SENP1: variants seen among roughly 807,000 people sequenced by gnomAD.
The protein encoded by SENP1 is sentrin-specific protease 1.
In SENP1, 21 loss-of-function variants were observed where a neutral mutation model predicts 93.0. The observed-to-expected ratio is 0.23, with a 90% CI of 0.16 to 0.33. The LOEUF (loss-of-function observed/expected upper bound fraction) is 0.33, where lower values mean the gene tolerates loss of function less well. SENP1 is among the 10% of genes least tolerant of loss of function. The pLI, the probability that SENP1 is intolerant of heterozygous loss-of-function variation, is 1.00. For missense variants in SENP1, 591 were observed against 758.7 expected, an observed-to-expected ratio of 0.78 and a Z score of 2.60; for synonymous variants, 256 against 259.6, an observed-to-expected ratio of 0.99 and a Z score of 0.13.
rs1044021566 is a variant in SENP1, at chr12:48,046,973, G to A, written c.1776+5C>T. 1 of 1,594,798 alleles carries A rather than the reference G, an allele frequency of 6.3e-7. No individual in the cohort carries two copies. Among genetic ancestry groups the A allele is most frequent in the Admixed American group, 1.7e-5 (1 of 59,342 alleles). ...GGACTTTTATTTCATCAAGATGAAAGGTACCTGGCTTTTCTTGCTGAAAAG... is the reference window on the plus strand; with the variant it reads ...GGACTTTTATTTCATCAAGATGAAAAGTACCTGGCTTTTCTTGCTGAAAAG... On this transcript the variant is annotated splice_donor_5th_base_variant and intron_variant, in intron 16 of 17. Coordinates refer to ENST00000549518, the MANE Select transcript of SENP1 (RefSeq NM_001267594.2).
At chr12:48,085,094 C>G (rs1352167745) in intron 5 of SENP1, 5 of 1,375,584 alleles carry the variant, frequency 3.6e-6, no homozygotes, top group Non-Finnish European at 1.0e-6. Context: ...TCGCAGTGAT[C>G]AGAGACAAGG....
chr12:48,046,902 G>C, intron 16 of SENP1, 76 bp downstream of exon 16: 1 of 930,884 alleles, frequency 1.1e-6, no homozygotes, highest in Non-Finnish European at 1.7e-6. Flanking sequence ...GTGGTCCCTG[G>C]GAATTAAGCA....
At chr12:48,061,300 A>G (rs1275088662) in intron 13 of SENP1, among the ~76,000 whole-genome samples, 1 of 152,226 alleles carries the variant, frequency 6.6e-6, no homozygotes, top group Non-Finnish European at 1.5e-5. Flanking sequence ...CAGAAAAAGA[A>G]GAGAAATTAT....
intron 12 of SENP1, among the ~76,000 whole-genome samples, chr12:48,064,727 A>G (rs1244508503): frequency 6.6e-6 from 1 of 152,148 alleles, no homozygotes; most frequent in East Asian, 1.9e-4. Context: ...CCCAGGCTGA[A>G]GTACGGTGGC....
intron 13 of SENP1, among the ~76,000 whole-genome samples, chr12:48,057,541 T>C (rs1267940218): frequency 7.0e-6 from 1 of 143,484 alleles, no homozygotes; most frequent in South Asian, 2.2e-4. Flanking sequence ...GTATTATATA[T>C]ATTTTTATGT....
rs968264660 is a variant in SENP1 at position 48,103,258 on chromosome 12, T to C, written c.-44-1742A>G. On this transcript the variant is annotated intron_variant, in intron 1 of 17. Coordinates refer to ENST00000549518, the MANE Select transcript of SENP1 (RefSeq NM_001267594.2). ...AGGAAGCTAGAAATTCAAAGAATTT[T>C]ACCGATTATATCCAGAGAGGTTAAG... Among the ~76,000 whole-genome samples the C allele has an allele frequency of 5.9e-5, 9 of 152,334 alleles. No individual in the cohort carries two copies. The South Asian group carries it at 1.9e-3, about 32-fold the overall frequency.
intron 6 of SENP1, among the ~76,000 whole-genome samples, chr12:48,083,063 C>G (rs1467096745): frequency 6.6e-6 from 1 of 151,834 alleles, no homozygotes; most frequent in East Asian, 1.9e-4. Context: ...AGCCACCAAG[C>G]CCGTCTAATT....
chr12:48,104,362 G>A (rs1946287147), intron 1 of SENP1, among the ~76,000 whole-genome samples: 1 of 149,720 alleles, frequency 6.7e-6, no homozygotes, highest in Non-Finnish European at 1.5e-5. Flanking sequence ...GATATAAGAA[G>A]GGTGTGAAAG....
intron 9 of SENP1, among the ~76,000 whole-genome samples, chr12:48,067,869 T>C (rs1943405358): frequency 6.6e-6 from 1 of 151,804 alleles, no homozygotes; most frequent in African/African-American, 2.4e-5. Flanking sequence ...CATTTAGTGT[T>C]GTTTGTTTGT....
intron 4 of SENP1, among the ~76,000 whole-genome samples, chr12:48,093,604 A>G (rs1202278253): frequency 1.3e-5 from 2 of 152,042 alleles, no homozygotes; most frequent in Admixed American, 1.3e-4. Context: ...TTTTGAAGCC[A>G]AATGAGATGT....
At chr12:48,091,372 C>T (rs989477546) in intron 4 of SENP1, among the ~76,000 whole-genome samples, 3 of 151,936 alleles carry the variant, frequency 2.0e-5, no homozygotes, top group Non-Finnish European at 4.4e-5. Context: ...ATCACTTGAA[C>T]CCGGGAGGCA....
intron 17 of SENP1, among the ~76,000 whole-genome samples, 200 bp from the exon 18 acceptor site, chr12:48,045,584 C>T (rs1041067304): frequency 8.6e-5 from 13 of 152,044 alleles, no homozygotes; most frequent in Non-Finnish European, 1.0e-4. Context: ...ACCATTATAG[C>T]CTTAGAAGTT....
At chr12:48,089,709 T>G (rs3782911) in intron 4 of SENP1, among the ~76,000 whole-genome samples, 25,315 of 152,206 alleles carry the variant, frequency 0.17, 2,427 homozygotes, top group East Asian at 0.28. Context: ...TAACCTCCTC[T>G]CCCTATCTGC....
chr12:48,081,823 C>T (rs578088641), intron 6 of SENP1, among the ~76,000 whole-genome samples: 29 of 152,132 alleles, frequency 1.9e-4, no homozygotes, highest in African/African-American at 6.7e-4. Context: ...GCTTTTGCTT[C>T]CCAAAGTGCT....
chr12:48,093,344 C>T (rs1320929926), intron 4 of SENP1, among the ~76,000 whole-genome samples: 2 of 135,022 alleles, frequency 1.5e-5, no homozygotes, highest in Admixed American at 8.7e-5. Flanking sequence ...AGTGCAGTGG[C>T]GCGATCTCCG....
intron 6 of SENP1, among the ~76,000 whole-genome samples, chr12:48,078,317 T>TTA (rs370021236): frequency 0.36 from 25,346 of 70,836 alleles, 5,487 homozygotes; most frequent in East Asian, 0.64. Flanking sequence ...CTGTAGGATT[T>TTA]TATATATATA....
intron 6 of SENP1, among the ~76,000 whole-genome samples, chr12:48,078,352 TACAC>T (rs200961396): frequency 2.2e-5 from 3 of 137,048 alleles, no homozygotes; most frequent in Admixed American, 1.5e-4. Flanking sequence ...CATATATATA[TACAC>T]ACACACACAT....
chr12:48,071,555 G>A, intron 9 of SENP1, 112 bp downstream of exon 9: 1 of 659,188 alleles, frequency 1.5e-6, no homozygotes, highest in Non-Finnish European at 2.7e-6. Flanking sequence ...GGTGGAGGTT[G>A]CAGTGAACCA....
At chr12:48,088,166 C>T (rs935528192) in intron 5 of SENP1, among the ~76,000 whole-genome samples, 11 of 152,148 alleles carry the variant, frequency 7.2e-5, no homozygotes, top group South Asian at 6.2e-4. Flanking sequence ...GATTCTCCTG[C>T]CTCAGCCTCT....
Sources: gnomAD v4.1 joint callset for allele counts (sites outside exome capture counted in the v4.1 genomes callset) on GRCh38, gnomAD v4.1.1 for gene constraint, MANE v1.5 for transcripts, NCBI Gene and HGNC (gene_info 2026-07-23, HGNC 2026-07-21) for gene names.